Variants in DPYD observed in about 807,000 individuals in gnomAD.
The protein encoded by DPYD is dihydropyrimidine dehydrogenase [NADP(+)].
A neutral mutation model predicts 116.2 loss-of-function variants in DPYD; 109 were observed. That is an observed-to-expected ratio of 0.94 (90% CI 0.80 to 1.10). The LOEUF (loss-of-function observed/expected upper bound fraction) is 1.10. Ranked by LOEUF, DPYD falls within the 50% of genes least tolerant of loss-of-function variation. DPYD has a pLI of 0.00. For missense variants in DPYD, 1,302 were observed against 1,254.5 expected, an observed-to-expected ratio of 1.04 and a Z score of -0.57; for synonymous variants, 440 against 432.0, an observed-to-expected ratio of 1.02 and a Z score of -0.23.
At chr1:97,712,117 G>T (rs116292630) in intron 5 of DPYD, among the ~76,000 whole-genome samples, 110 of 151,806 alleles carry the variant, frequency 7.2e-4, no homozygotes, top group African/African-American at 2.4e-3. Context: ...CCTTTCTTCT[G>T]GAAAATTTTC....
chr1:97,724,551 G>A (rs1663127072), intron 4 of DPYD, among the ~76,000 whole-genome samples: 1 of 151,402 alleles, frequency 6.6e-6, no homozygotes, highest in South Asian at 2.1e-4. Context: ...GAAAGCCAAT[G>A]TTTCATTTCA....
chr1:97,231,593 A>G lies in DPYD; in HGVS notation c.2442+3259T>C, dbSNP rs184136311. Among the ~76,000 whole-genome samples, 89 of 152,240 alleles carry G rather than the reference A, an allele frequency of 5.8e-4. 1 individual carries two copies. The highest frequency in any genetic ancestry group is 2.0e-3 in the African/African-American group (83 of 41,554). On this transcript the variant is annotated intron_variant, in intron 19 of 22. Coordinates refer to ENST00000370192, the MANE Select transcript of DPYD (RefSeq NM_000110.4). ...AGGAAAGACCTGCCCCCATGATTTA[A>G]CTACCTCCCACCAGGTCCCTCCCAC...
chr1:97,814,733 G>A (rs1240218904), intron 3 of DPYD, among the ~76,000 whole-genome samples: 6 of 151,710 alleles, frequency 4.0e-5, no homozygotes, highest in South Asian at 2.1e-4. Context: ...GTGAAACCCC[G>A]TATCCACTAA....
At chr1:97,676,992 C>G (rs1396229663) in intron 8 of DPYD, among the ~76,000 whole-genome samples, 1 of 152,132 alleles carries the variant, frequency 6.6e-6, no homozygotes, top group Non-Finnish European at 1.5e-5. Context: ...GTATTCACAC[C>G]TCAGTGCAGA....
At chr1:97,134,007 AAAAAAAAATATATATATAT>A (rs1458472949) in intron 20 of DPYD, among the ~76,000 whole-genome samples, 689 of 44,180 alleles carry the variant, frequency 0.016, 64 homozygotes, top group South Asian at 0.035. Context: ...TCAAAAAAAA[AAAAAAAAATATATATATAT>A]ATATATATAT....
intron 3 of DPYD, among the ~76,000 whole-genome samples, chr1:97,742,236 G>A (rs1339584194): frequency 3.9e-5 from 6 of 152,088 alleles, no homozygotes; most frequent in South Asian, 2.1e-4. Context: ...CATGTGTAAA[G>A]ACCTTGGTTC....
chr1:97,660,993 C>G (rs927189762), intron 8 of DPYD, among the ~76,000 whole-genome samples: 4 of 152,100 alleles, frequency 2.6e-5, no homozygotes, highest in Non-Finnish European at 5.9e-5. Flanking sequence ...GACAAACTCT[C>G]ACCTCTTCTT....
chr1:97,147,088 G>A (rs1390366690), intron 20 of DPYD, among the ~76,000 whole-genome samples: 6 of 152,152 alleles, frequency 3.9e-5, no homozygotes, highest in African/African-American at 1.2e-4. Flanking sequence ...AGTGGCTCAC[G>A]CCTGTAATCC....
At chr1:97,201,122 G>A (rs1659172021) in intron 19 of DPYD, among the ~76,000 whole-genome samples, 1 of 151,954 alleles carries the variant, frequency 6.6e-6, no homozygotes, top group Admixed American at 6.6e-5. Context: ...ATATAAACAA[G>A]CATATATGTA....
At chr1:97,664,861 C>G (rs1171232120) in intron 8 of DPYD, among the ~76,000 whole-genome samples, 3 of 152,142 alleles carry the variant, frequency 2.0e-5, no homozygotes, top group African/African-American at 7.2e-5. Flanking sequence ...AGCTAGAACA[C>G]ATGCACGCAC....
intron 20 of DPYD, among the ~76,000 whole-genome samples, chr1:97,109,852 T>A (rs1651463018): frequency 7.1e-6 from 1 of 140,390 alleles, no homozygotes; most frequent in African/African-American, 2.5e-5. Context: ...ATAAGTTTTT[T>A]AATATAAAAA....
chr1:97,728,508 T>C (rs1042935599), intron 4 of DPYD, among the ~76,000 whole-genome samples: 2 of 152,052 alleles, frequency 1.3e-5, no homozygotes, highest in Non-Finnish European at 2.9e-5. Context: ...ATTTAACAAA[T>C]AGTCCTATCA....
intron 2 of DPYD, among the ~76,000 whole-genome samples, chr1:97,843,488 G>T (rs1478139829): frequency 6.6e-6 from 1 of 152,132 alleles, no homozygotes; most frequent in Non-Finnish European, 1.5e-5. Context: ...GGAGCCTTCT[G>T]AACAATCCCC....
At chr1:97,394,849 G>A (rs928227212) in intron 14 of DPYD, among the ~76,000 whole-genome samples, 2 of 152,042 alleles carry the variant, frequency 1.3e-5, no homozygotes, top group Non-Finnish European at 2.9e-5. Context: ...AATATGCTGT[G>A]TTTAAGAAAT....
At chr1:97,096,673 A>C (rs996919959) in intron 21 of DPYD, among the ~76,000 whole-genome samples, 28 of 152,264 alleles carry the variant, frequency 1.8e-4, no homozygotes, top group African/African-American at 6.5e-4. Context: ...AAAACGCACG[A>C]ATCAGCAGGG....
intron 12 of DPYD, chr1:97,546,555 C>A (rs563774082): frequency 6.9e-6 from 11 of 1,597,824 alleles, no homozygotes; most frequent in Middle Eastern, 1.9e-4. Flanking sequence ...AAGAAGAGAG[C>A]GCTCTATTGG....
chr1:97,865,448 T>A (rs1019136973), intron 2 of DPYD, among the ~76,000 whole-genome samples: 2 of 151,956 alleles, frequency 1.3e-5, no homozygotes, highest in Non-Finnish European at 2.9e-5. Flanking sequence ...CAATACTGGG[T>A]ATTCATTCAT....
At chr1:97,309,727 T>A (rs76686076) in intron 16 of DPYD, among the ~76,000 whole-genome samples, 103 of 151,864 alleles carry the variant, frequency 6.8e-4, no homozygotes, top group Middle Eastern at 3.4e-3. Context: ...ACAACACAAC[T>A]AGAAAAGGTA....
intron 10 of DPYD, among the ~76,000 whole-genome samples, chr1:97,577,493 C>A (rs1372800407): frequency 6.6e-6 from 1 of 152,104 alleles, no homozygotes; most frequent in East Asian, 1.9e-4. Context: ...CGCCCTGGAC[C>A]CATAAATAAA....
Sources: gnomAD v4.1 joint callset for allele counts (sites outside exome capture counted in the v4.1 genomes callset) on GRCh38, gnomAD v4.1.1 for gene constraint, MANE v1.5 for transcripts, NCBI Gene and HGNC (gene_info 2026-07-23, HGNC 2026-07-21) for gene names.